The following FBXO34 variants were observed in gnomAD, a reference collection of about 807,000 sequenced individuals.
The protein encoded by FBXO34 is F-box protein 34, also known as F-box only protein 34.
A neutral mutation model predicts 24.5 loss-of-function variants in FBXO34; 12 were observed. The ratio of observed to expected loss-of-function variants is 0.49; its 90% CI spans 0.31 to 0.79. The LOEUF is 0.79. Among genes scored for constraint, FBXO34 ranks in the 30% least tolerant of loss-of-function variants. FBXO34 has a pLI of 0.04. For missense variants in FBXO34, 823 were observed against 857.7 expected (o/e 0.96, Z 0.51); for synonymous variants, 320 against 311.9 (o/e 1.03, Z -0.27).
intron 1 of FBXO34, among the ~76,000 whole-genome samples, chr14:55,285,878 G>C (rs1330909957): frequency 6.6e-6 from 1 of 152,194 alleles, no homozygotes; most frequent in Non-Finnish European, 1.5e-5. Context: ...CCTGTTAAAA[G>C]TGTTAAGATT....
the FBXO34 span, among the ~76,000 whole-genome samples, chr14:55,438,492 C>T: frequency 1.3e-5 from 2 of 152,096 alleles, no homozygotes; most frequent in African/African-American, 2.4e-5. Context: ...CTCACCTGTC[C>T]CAGATGTAAA....
chr14:55,357,643 T>C (rs929063739), downstream of FBXO34, among the ~76,000 whole-genome samples: 1 of 152,070 alleles, frequency 6.6e-6, no homozygotes, highest in Non-Finnish European at 1.5e-5. Context: ...AGTGAGACTC[T>C]GTCGTTGTAC....
the FBXO34 span, among the ~76,000 whole-genome samples, chr14:55,389,214 G>C: frequency 1.2e-4 from 19 of 152,374 alleles, no homozygotes; most frequent in African/African-American, 4.6e-4. Context: ...GCTCATCAGA[G>C]AAACACGCAT....
At chr14:55,315,677 G>C (rs1882903185) in intron 1 of FBXO34, among the ~76,000 whole-genome samples, 1 of 152,176 alleles carries the variant, frequency 6.6e-6, no homozygotes, top group South Asian at 2.1e-4. Flanking sequence ...AAGTTCCATT[G>C]TTTTCTAGTT....
chr14:55,287,399 T>C (rs1359294259), intron 1 of FBXO34, among the ~76,000 whole-genome samples: 6 of 152,194 alleles, frequency 3.9e-5, no homozygotes. Flanking sequence ...TGATAAGCAG[T>C]CATTTTCTTA....
Position 55,351,544 on chromosome 14 carries a change from A to G in FBXO34, c.1154A>G (p.Asp385Gly). 1 of 1,614,124 alleles carries G rather than the reference A, an allele frequency of 6.2e-7. No individual in the cohort carries two copies. Among genetic ancestry groups the G allele is most frequent in the Non-Finnish European group, 8.5e-7 (1 of 1,180,022 alleles). Residue 385 changes from aspartate to glycine, a missense_variant, in exon 2 of 2, where the codon GAC becomes GGC. By Grantham distance (94) the Asp-to-Gly change is moderately conservative. This residue lies in a region of FBXO34 where 693 missense variants were observed against 659.1 expected (regional missense o/e 1.05). Coordinates refer to ENST00000313833, the MANE Select transcript of FBXO34 (RefSeq NM_017943.4). The part of the protein sequence containing the change: ...PLPAGVSFHI[D>G]SAELEPGSQT... ...CCAGCAGGAGTGAGTTTCCACATAG[A>G]CAGTGCAGAGTTAGAGCCGGGTTCG...
chr14:55,407,730 T>G, the FBXO34 span, among the ~76,000 whole-genome samples: 4 of 152,158 alleles, frequency 2.6e-5, no homozygotes, highest in Admixed American at 2.6e-4. Context: ...AAATAAATAA[T>G]ATTACACATT....
chr14:55,362,549 A>C (rs1385818740), downstream of FBXO34, among the ~76,000 whole-genome samples: 3 of 152,220 alleles, frequency 2.0e-5, no homozygotes, highest in African/African-American at 7.2e-5. Flanking sequence ...AAAGGAAAAA[A>C]AGAATGTAAA....
the FBXO34 span, among the ~76,000 whole-genome samples, chr14:55,393,548 ATTT>A: frequency 7.0e-6 from 1 of 142,880 alleles, no homozygotes. Context: ...ATCTTTTCAG[ATTT>A]TTTTTTTTTT....
the FBXO34 span, among the ~76,000 whole-genome samples, chr14:55,395,664 T>C: frequency 1.3e-5 from 2 of 152,182 alleles, no homozygotes; most frequent in East Asian, 3.8e-4. Context: ...GTATGATAAA[T>C]AATTTTTGCA....
intron 1 of FBXO34, among the ~76,000 whole-genome samples, chr14:55,336,841 A>T (rs957726570): frequency 1.3e-5 from 2 of 150,472 alleles, no homozygotes; most frequent in Non-Finnish European, 3.0e-5. Context: ...AAAAAATGCT[A>T]TACACATATA....
the FBXO34 span, among the ~76,000 whole-genome samples, chr14:55,375,538 C>G: frequency 7.8e-6 from 1 of 128,998 alleles, no homozygotes; most frequent in Admixed American, 8.9e-5. Context: ...GACATGGAGT[C>G]TCACTATGTT....
At chr14:55,290,249 C>T (rs1342327453) in intron 1 of FBXO34, among the ~76,000 whole-genome samples, 1 of 151,774 alleles carries the variant, frequency 6.6e-6, no homozygotes, top group Non-Finnish European at 1.5e-5. Context: ...GCAAAATTAG[C>T]CTGGTGTGGT....
chr14:55,436,562 G>A, the FBXO34 span: 171 of 1,612,138 alleles, frequency 1.1e-4, no homozygotes, highest in Non-Finnish European at 1.4e-4. Context: ...AAAACTTACT[G>A]TAGTTGAGGT....
At chr14:55,393,967 A>G in the FBXO34 span, among the ~76,000 whole-genome samples, 3 of 151,788 alleles carry the variant, frequency 2.0e-5, no homozygotes, top group African/African-American at 7.3e-5. Flanking sequence ...CAGCACGTAG[A>G]CTGACCACAT....
the FBXO34 span, among the ~76,000 whole-genome samples, chr14:55,423,975 GA>G: frequency 6.6e-6 from 1 of 152,068 alleles, no homozygotes; most frequent in Non-Finnish European, 1.5e-5. Flanking sequence ...ATAAAAACAT[GA>G]AAAAAATGTT....
Position 55,351,705 on chromosome 14 carries a change from C to T in FBXO34, c.1315C>T (p.Leu439Phe), listed in dbSNP as rs749555627. The change falls in exon 2 of 2, where the codon CTT becomes TTT. Residue 439 changes from leucine (L) to phenylalanine (F), a missense_variant. Physicochemically the swap from Leu to Phe is conservative, Grantham distance 22. Around this residue, in one of 2 missense-constraint regions of FBXO34, gnomAD observed 693 missense variants for 659.1 expected, o/e 1.05. Transcript: ENST00000313833. ...TDAVDCMSRELVSLTSRNPDQ... is the reference protein window; with the variant it reads ...TDAVDCMSREFVSLTSRNPDQ... ...TGCTGTTGATTGTATGAGCAGAGAG[C>T]TTGTGTCCCTTACTAGCCGAAATCC... The T allele has an allele frequency of 1.2e-6, 2 of 1,614,090 alleles. No homozygotes were observed. Among genetic ancestry groups the T allele is most frequent in the African/African-American group, 1.3e-5 (1 of 74,932 alleles).
the FBXO34 span, among the ~76,000 whole-genome samples, chr14:55,412,440 G>C: frequency 6.6e-6 from 1 of 152,146 alleles, no homozygotes; most frequent in Non-Finnish European, 1.5e-5. Flanking sequence ...TGCAAAATCA[G>C]AATTGTATCC....
At chr14:55,401,727 AAGG>A in the FBXO34 span, among the ~76,000 whole-genome samples, 1 of 152,136 alleles carries the variant, frequency 6.6e-6, no homozygotes, top group Non-Finnish European at 1.5e-5. Context: ...TGATGGGAAC[AAGG>A]AGAAGGGTGC....
Sources: gnomAD v4.1 joint callset for allele counts (sites outside exome capture counted in the v4.1 genomes callset) on GRCh38, gnomAD v4.1.1 for gene constraint, gnomAD v4.1.1 regional missense constraint, MANE v1.5 for transcripts, NCBI Gene and HGNC (gene_info 2026-07-23, HGNC 2026-07-21) for gene names.